Variants in UBE2H observed in about 807,000 individuals in gnomAD.
UBE2H encodes the protein ubiquitin-conjugating enzyme E2 H.
In UBE2H, 3 loss-of-function variants were observed where a neutral mutation model predicts 29.0. The ratio of observed to expected loss-of-function variants is 0.10; its 90% confidence interval spans 0.05 to 0.27. The LOEUF (loss-of-function observed/expected upper bound fraction) is 0.27, where lower values mean the gene tolerates loss of function less well. Among genes scored for constraint, UBE2H ranks in the 10% least tolerant of loss-of-function variants. The pLI, the probability that UBE2H is intolerant of heterozygous loss-of-function variation, is 1.00. For missense variants in UBE2H, 68 were observed against 228.2 expected, an observed-to-expected ratio of 0.30 and a Z score of 4.52; for synonymous variants, 69 against 82.9, an observed-to-expected ratio of 0.83 and a Z score of 0.91.
At chr7:129,867,782 TAA>T (rs79333410) in intron 3 of UBE2H, among the ~76,000 whole-genome samples, 2 of 108,696 alleles carry the variant, frequency 1.8e-5, no homozygotes, top group Non-Finnish European at 2.0e-5. Flanking sequence ...AAAATTAGAT[TAA>T]AAAAAAAAAA....
Position 129,868,609 on chromosome 7 carries a change from A to G in UBE2H, c.206-9668T>C, listed in dbSNP as rs867861218. Among the ~76,000 whole-genome samples the G allele has an allele frequency of 6.6e-3, 1,003 of 150,978 alleles. 10 individuals are homozygous for G. The highest frequency in any genetic ancestry group is 9.0e-3 in the Non-Finnish European group (606 of 67,620). On this transcript the variant is annotated intron_variant, in intron 3 of 6. Coordinates refer to ENST00000355621, the MANE Select transcript of UBE2H (RefSeq NM_003344.4). ...CTCAAAAAAAAAAAAAAAAAAAAAA[A>G]AAAGAAAGAAATGGACAAGTCCTCT...
At chr7:129,896,680 T>C (rs532960055) in intron 1 of UBE2H, among the ~76,000 whole-genome samples, 3 of 152,298 alleles carry the variant, frequency 2.0e-5, no homozygotes, top group African/African-American at 4.8e-5. Flanking sequence ...GCTGGGATTA[T>C]AGGTGTGAGT....
At chr7:129,910,328 C>CA (rs369819323) in intron 1 of UBE2H, among the ~76,000 whole-genome samples, 1,586 of 138,628 alleles carry the variant, frequency 0.011, 25 homozygotes, top group African/African-American at 0.033. Context: ...GACTCTATCT[C>CA]AAAAAAAAAA....
In UBE2H at chr7:129,942,885, G is replaced by A. The variant is rs139024069; in HGVS notation, c.53+9618C>T. Among the ~76,000 whole-genome samples, 206 of 151,248 alleles carry A rather than the reference G, an allele frequency of 1.4e-3. 2 individuals are homozygous for A. The highest frequency in any genetic ancestry group is 4.9e-3 in the African/African-American group (202 of 41,234). On this transcript the variant is annotated intron_variant, in intron 1 of 6. Coordinates refer to ENST00000355621, the MANE Select transcript of UBE2H (RefSeq NM_003344.4). ...GAGATGGAGTCTTGCTCTGTTCCCC[G>A]GGGTTGGAGTGCAGTGGCATAATCT...
chr7:129,887,615 CA>C (rs1806390201), intron 1 of UBE2H, among the ~76,000 whole-genome samples: 2 of 151,920 alleles, frequency 1.3e-5, no homozygotes, highest in African/African-American at 2.4e-5. Context: ...TTGAAGAAGA[CA>C]AAAAATAGCA....
At chr7:129,875,216 C>T (rs898864746) in intron 3 of UBE2H, among the ~76,000 whole-genome samples, 1 of 152,132 alleles carries the variant, frequency 6.6e-6, no homozygotes, top group African/African-American at 2.4e-5. Context: ...AACTGAACAG[C>T]TATGGATAAC....
chr7:129,860,313 T>C (rs888813407), intron 3 of UBE2H, among the ~76,000 whole-genome samples: 2 of 152,322 alleles, frequency 1.3e-5, no homozygotes, highest in Non-Finnish European at 2.9e-5. Context: ...AGAGGGCCTA[T>C]GTGATGTTTA....
At chr7:129,932,773 C>CA (rs1208871059) in intron 1 of UBE2H, among the ~76,000 whole-genome samples, 2,958 of 30,734 alleles carry the variant, frequency 0.096, 199 homozygotes, top group Non-Finnish European at 0.12. Flanking sequence ...GACTCCGTCT[C>CA]AAAAAAAAAA....
intron 1 of UBE2H, among the ~76,000 whole-genome samples, chr7:129,902,080 A>G (rs1806727049): frequency 6.6e-6 from 1 of 152,226 alleles, no homozygotes; most frequent in African/African-American, 2.4e-5. Context: ...TTCAAAGTAG[A>G]TCTTTAAAAC....
At chr7:129,921,492 G>A (rs763239108) in intron 1 of UBE2H, among the ~76,000 whole-genome samples, 3 of 152,060 alleles carry the variant, frequency 2.0e-5, no homozygotes, top group Non-Finnish European at 2.9e-5. Flanking sequence ...GAGGTCAGGC[G>A]TTCAAGACCA....
intron 6 of UBE2H, among the ~76,000 whole-genome samples, chr7:129,836,909 A>AAAAAAAAAAAAAAAAAAAAAC (rs1805340233): frequency 1.5e-5 from 2 of 136,902 alleles, no homozygotes; most frequent in Non-Finnish European, 3.2e-5. Context: ...AAAAAAAAAA[A>AAAAAAAAAAAAAAAAAAAAAC]AAGGAGTAAG....
intron 1 of UBE2H, among the ~76,000 whole-genome samples, chr7:129,881,228 T>C (rs559115903): frequency 2.0e-5 from 3 of 152,354 alleles, no homozygotes; most frequent in Non-Finnish European, 2.9e-5. Flanking sequence ...GCCAAAATAA[T>C]GTCAGTTTAC....
intron 1 of UBE2H, among the ~76,000 whole-genome samples, chr7:129,905,868 G>C (rs79056777): frequency 0.063 from 9,523 of 152,204 alleles, 372 homozygotes; most frequent in Non-Finnish European, 0.092. Flanking sequence ...CAAAGCAGAA[G>C]GATGGTTTGA....
At chr7:129,908,572 G>A (rs1433679219) in intron 1 of UBE2H, among the ~76,000 whole-genome samples, 2 of 152,096 alleles carry the variant, frequency 1.3e-5, no homozygotes, top group African/African-American at 4.8e-5. Context: ...AAGCAAAATG[G>A]TTCATTTGTT....
At chr7:129,862,994 C>A (rs768172245) in intron 3 of UBE2H, among the ~76,000 whole-genome samples, 1 of 152,184 alleles carries the variant, frequency 6.6e-6, no homozygotes, top group African/African-American at 2.4e-5. Flanking sequence ...TATGCTTCAA[C>A]GATCTGAGGC....
At chr7:129,942,212 CAAAAAAAAAA>C (rs966117564) in intron 1 of UBE2H, among the ~76,000 whole-genome samples, 13 of 36,754 alleles carry the variant, frequency 3.5e-4, no homozygotes, top group East Asian at 1.6e-3. Context: ...GACTCGGTCT[CAAAAAAAAAA>C]AAAAAAAAAA....
At chr7:129,901,890 C>T (rs937858901) in intron 1 of UBE2H, among the ~76,000 whole-genome samples, 2 of 152,242 alleles carry the variant, frequency 1.3e-5, no homozygotes, top group African/African-American at 2.4e-5. Flanking sequence ...CCACTGCACC[C>T]GGCTGATGAC....
intron 1 of UBE2H, among the ~76,000 whole-genome samples, chr7:129,938,606 G>C (rs539486154): frequency 7.2e-5 from 1 of 13,796 alleles, no homozygotes; most frequent in Non-Finnish European, 1.2e-3. Context: ...CCAGCTACTC[G>C]ATAGGCTGAG....
intron 1 of UBE2H, among the ~76,000 whole-genome samples, chr7:129,899,970 A>T (rs1584774411): frequency 6.6e-6 from 1 of 152,068 alleles, no homozygotes; most frequent in African/African-American, 2.4e-5. Context: ...TCTCTACTAA[A>T]AATACAAAAA....
Sources: gnomAD v4.1 joint callset for allele counts (sites outside exome capture counted in the v4.1 genomes callset) on GRCh38, gnomAD v4.1.1 for gene constraint, MANE v1.5 for transcripts, NCBI Gene and HGNC (gene_info 2026-07-23, HGNC 2026-07-21) for gene names.